The following NFILZ variants were observed in gnomAD, a reference collection of about 807,000 sequenced individuals.
NFILZ encodes NFIL3 like basic leucine zipper.
intron 3 of NFILZ, among the ~76,000 whole-genome samples, chr19:8,658,456 A>G (rs150319747): frequency 2.2e-4 from 33 of 152,230 alleles, no homozygotes; most frequent in Non-Finnish European, 3.5e-4. Flanking sequence ...GCACTTCCCA[A>G]GTGAGGATAA....
intron 3 of NFILZ, among the ~76,000 whole-genome samples, chr19:8,645,645 GAAAGAGACCCTCGAGCTGGCC>G (rs1288191935): frequency 7.2e-5 from 11 of 152,184 alleles, no homozygotes; most frequent in Admixed American, 5.9e-4. Flanking sequence ...GGGAGCAATT[GAAAGAGACCCTCGAGCTGGCC>G]CTAGAGGGTG....
chr19:8,678,127 C>CTA lies in NFILZ; in HGVS notation c.*493_*494insAT. ...CATCCATCCATCCATCCATCCATCC[C>CTA]TCCATCCATTCATCCACTTGTCCGT... On this transcript the variant is annotated 3_prime_UTR_variant, in exon 6 of 6. Transcript: ENST00000691075. 7.3e-5 allele frequency among the ~76,000 whole-genome samples: 1 copy of CTA among 13,716 alleles called. No individual in the cohort carries two copies. Among genetic ancestry groups the CTA allele is most frequent in the East Asian group, 2.1e-3 (1 of 468 alleles). 9.0% of individuals were successfully genotyped at this position (13,716 alleles called of 152,430 possible). A position where few individuals can be genotyped will look rare whatever the true frequency, so the allele number is the denominator to read the frequency against.
At chr19:8,637,520 G>T (rs1450177607) in intron 3 of NFILZ, among the ~76,000 whole-genome samples, 1 of 151,618 alleles carries the variant, frequency 6.6e-6, no homozygotes, top group African/African-American at 2.4e-5. Flanking sequence ...GGCTGAGGCA[G>T]GAGAATAGCT....
chr19:8,647,781 G>GCACA (rs1267899270), intron 3 of NFILZ, among the ~76,000 whole-genome samples: 2 of 71,342 alleles, frequency 2.8e-5, no homozygotes, highest in Non-Finnish European at 5.3e-5. Context: ...GCACACATGC[G>GCACA]CGCGCGCGCG....
intron 3 of NFILZ, among the ~76,000 whole-genome samples, chr19:8,656,319 C>T (rs1265476828): frequency 2.4e-5 from 2 of 82,882 alleles, no homozygotes; most frequent in African/African-American, 3.3e-5. Context: ...CGCACCTCCT[C>T]CCTGAAGCCC....
At chr19:8,654,226 C>T (rs1391426698) in intron 3 of NFILZ, among the ~76,000 whole-genome samples, 1 of 150,944 alleles carries the variant, frequency 6.6e-6, no homozygotes, top group Non-Finnish European at 1.5e-5. Context: ...GAGTGAAATT[C>T]TGTCTCAAAA....
At chr19:8,655,817 C>A (rs2042989493) in intron 3 of NFILZ, among the ~76,000 whole-genome samples, 1 of 152,100 alleles carries the variant, frequency 6.6e-6, no homozygotes, top group South Asian at 2.1e-4. Flanking sequence ...TGTTCACTGT[C>A]TTGGAGCTCT....
At chr19:8,658,529 C>T (rs750367452) in intron 3 of NFILZ, among the ~76,000 whole-genome samples, 3 of 151,988 alleles carry the variant, frequency 2.0e-5, no homozygotes, top group Non-Finnish European at 4.4e-5. Context: ...GAAGTGGGGC[C>T]GAGAGTGGGA....
intron 3 of NFILZ, among the ~76,000 whole-genome samples, chr19:8,660,520 A>G (rs941637702): frequency 2.6e-5 from 4 of 151,542 alleles, no homozygotes; most frequent in African/African-American, 7.3e-5. Context: ...TTGTGTATAC[A>G]TATCACATTT....
In NFILZ at chr19:8,680,632, A is replaced by G. The variant is rs1280162384; in HGVS notation, c.*2997A>G. On this transcript the variant is annotated 3_prime_UTR_variant, in exon 6 of 6. Coordinates refer to ENST00000691075, the MANE Select transcript of NFILZ (RefSeq NM_001378600.1). The stretch of plus-strand genomic sequence containing the variant: ...GGAAGGAGATAGATTAAAAAATAAG[A>G]AAAACATATAGTAGGATCAATGATG... Among the ~76,000 whole-genome samples, 1 of 152,188 alleles carries G rather than the reference A, an allele frequency of 6.6e-6. No homozygotes were observed.
intron 3 of NFILZ, among the ~76,000 whole-genome samples, chr19:8,639,000 G>A (rs1294621929): frequency 2.0e-5 from 3 of 151,964 alleles, no homozygotes; most frequent in African/African-American, 7.2e-5. Flanking sequence ...ACACCACCAT[G>A]CCCAGCTAAT....
intron 2 of NFILZ, among the ~76,000 whole-genome samples, chr19:8,634,241 A>G (rs1169381021): frequency 2.7e-5 from 4 of 149,484 alleles, no homozygotes; most frequent in Non-Finnish European, 5.9e-5. Context: ...CAAGTGATCC[A>G]CCCCCTTGGT....
intron 3 of NFILZ, among the ~76,000 whole-genome samples, chr19:8,654,697 C>T (rs531527961): frequency 1.1e-4 from 16 of 152,160 alleles, no homozygotes; most frequent in African/African-American, 3.6e-4. Context: ...GTTGAATCAA[C>T]CAATGAAGGA....
rs147021932 is a variant in NFILZ at position 8,632,946 on chromosome 19, C to G, written c.-261+321C>G. Among the ~76,000 whole-genome samples the G allele has an allele frequency of 1.7e-3, 260 of 151,178 alleles. 1 individual carries two copies. The highest frequency in any genetic ancestry group is 6.1e-3 in the African/African-American group (251 of 41,080). ...CCATGTTGTCCAGGCTGGTCTCAAA[C>G]TCTTGACCTCAGGTGATCCGCCTGC... On this transcript the variant is annotated intron_variant, in intron 2 of 5. Coordinates refer to ENST00000691075, the MANE Select transcript of NFILZ (RefSeq NM_001378600.1).
At chr19:8,673,607 G>T (rs1941300201) in intron 3 of NFILZ, among the ~76,000 whole-genome samples, 1 of 152,166 alleles carries the variant, frequency 6.6e-6, no homozygotes, top group African/African-American at 2.4e-5. Flanking sequence ...TTTCTCAGAG[G>T]GGGTCCCAGG....
At position 8,656,423 on chromosome 19, in the gene NFILZ, T is replaced by TCCCTGAAGCCCCCTTC. The variant is rs2043000058; in HGVS notation, c.-163-18128_-163-18127insCCCTGAAGCCCCCTTC. Among the ~76,000 whole-genome samples the TCCCTGAAGCCCCCTTC allele has an allele frequency of 5.1e-5, 3 of 58,710 alleles. 1 individual carries two copies. The highest frequency in any genetic ancestry group is 1.8e-4 in the African/African-American group (3 of 16,542). 38.5% of individuals were successfully genotyped at this position (58,710 alleles called of 152,430 possible). On this transcript the variant is annotated intron_variant, in intron 3 of 5. Coordinates refer to ENST00000691075, the MANE Select transcript of NFILZ (RefSeq NM_001378600.1). ...CCACCTTCTCTCTGAAACCCACCTCTTTCCGCAGCCCACCTTCTCCTCGAA... is the reference window on the plus strand; with the variant it reads ...CCACCTTCTCTCTGAAACCCACCTCTCCCTGAAGCCCCCTTCTTCCGCAGCCCACCTTCTCCTCGAA...
chr19:8,661,209 C>A (rs910058623), intron 3 of NFILZ, among the ~76,000 whole-genome samples: 1 of 148,662 alleles, frequency 6.7e-6, no homozygotes, highest in Non-Finnish European at 1.5e-5. Flanking sequence ...GTCACCCAGG[C>A]TGCAGTGCAG....
At chr19:8,654,389 G>A (rs1450259172) in intron 3 of NFILZ, among the ~76,000 whole-genome samples, 2 of 151,954 alleles carry the variant, frequency 1.3e-5, no homozygotes, top group Non-Finnish European at 1.5e-5. Context: ...AAGCCAAGGC[G>A]GGAGGATTGT....
At chr19:8,662,346 CA>C (rs1244264857) in intron 3 of NFILZ, among the ~76,000 whole-genome samples, 1 of 151,672 alleles carries the variant, frequency 6.6e-6, no homozygotes, top group Non-Finnish European at 1.5e-5. Flanking sequence ...GGCTGGGGGT[CA>C]GGGGAGGCTT....
Sources: allele counts gnomAD v4.1 joint callset (sites outside exome capture counted in the v4.1 genomes callset), GRCh38; gene constraint gnomAD v4.1.1; transcripts MANE v1.5; gene names NCBI Gene and HGNC (gene_info 2026-07-23, HGNC 2026-07-21).